Variants in MTF2 observed in about 807,000 individuals in gnomAD.
The protein encoded by MTF2 is metal-response element-binding transcription factor 2.
A neutral mutation model predicts 79.5 loss-of-function variants in MTF2; 11 were observed. The ratio of observed to expected loss-of-function variants is 0.14; its 90% CI spans 0.09 to 0.23. MTF2 has a LOEUF of 0.23. Among genes scored for constraint, MTF2 ranks in the 10% least tolerant of loss-of-function variants. MTF2 has a pLI of 1.00. For missense variants in MTF2, 486 were observed against 711.2 expected, an observed-to-expected ratio of 0.68 and a Z score of 3.60; for synonymous variants, 208 against 232.8, an observed-to-expected ratio of 0.89 and a Z score of 0.97.
In MTF2 at chr1:93,079,410, C is replaced by T; in HGVS notation, c.-117C>T. 1 of 1,323,876 alleles carries T rather than the reference C, an allele frequency of 7.6e-7. No homozygotes were observed. Among genetic ancestry groups the T allele is most frequent in the South Asian group, 1.2e-5 (1 of 83,330 alleles). The allele number at this position is 1,323,876 out of a possible 1,614,324, so 82.0% of individuals were successfully genotyped here. On this transcript the variant is annotated 5_prime_UTR_variant, in exon 1 of 15. Transcript: ENST00000370298. ...CCTCGGTTTGTGCGTGCATATGTGC[C>T]GGGTACCCGGTGGGGCGGGTGCCCA...
chr1:93,122,544 AG>A (rs1456324285), intron 9 of MTF2, among the ~76,000 whole-genome samples: 1 of 152,172 alleles, frequency 6.6e-6, no homozygotes, highest in Non-Finnish European at 1.5e-5. Flanking sequence ...GAAACATACT[AG>A]AAAAAATTTG....
At chr1:93,116,966 C>T (rs1382105628) in intron 6 of MTF2, among the ~76,000 whole-genome samples, 1 of 151,844 alleles carries the variant, frequency 6.6e-6, no homozygotes, top group Non-Finnish European at 1.5e-5. Context: ...TTTTTGGTGG[C>T]CCAAAATAGT....
chr1:93,097,786 C>T (rs537264983), intron 1 of MTF2, among the ~76,000 whole-genome samples: 4 of 152,094 alleles, frequency 2.6e-5, no homozygotes, highest in Middle Eastern at 3.4e-3. Context: ...TTAGTAGAGA[C>T]GGGGTTTCAC....
chr1:93,123,937 C>CAAT (rs1256595809), intron 9 of MTF2, among the ~76,000 whole-genome samples: 1 of 151,612 alleles, frequency 6.6e-6, no homozygotes, highest in African/African-American at 2.4e-5. Flanking sequence ...GAAGCTACAT[C>CAAT]AATACATCAT....
intron 11 of MTF2, among the ~76,000 whole-genome samples, chr1:93,131,211 G>T (rs1379085742): frequency 6.6e-6 from 1 of 152,134 alleles, no homozygotes; most frequent in South Asian, 2.1e-4. Context: ...AGAATGATCA[G>T]TGAGATGGGA....
intron 1 of MTF2, among the ~76,000 whole-genome samples, chr1:93,082,508 A>C (rs912662769): frequency 6.6e-6 from 1 of 152,076 alleles, no homozygotes; most frequent in East Asian, 1.9e-4. Context: ...CAGGCTGGTC[A>C]TGAACTTTTG....
chr1:93,112,758 A>T (rs1344042355), intron 3 of MTF2, among the ~76,000 whole-genome samples: 1 of 152,238 alleles, frequency 6.6e-6, no homozygotes, highest in Non-Finnish European at 1.5e-5. Flanking sequence ...ACTATAGAAG[A>T]TTACTAAGCT....
chr1:93,105,215 C>T (rs569274787), intron 1 of MTF2, among the ~76,000 whole-genome samples: 5 of 150,356 alleles, frequency 3.3e-5, no homozygotes, highest in East Asian at 2.0e-4. Flanking sequence ...TGAAGTGGGC[C>T]GAAGACTGAA....
chr1:93,102,420 A>C (rs930572633), intron 1 of MTF2, among the ~76,000 whole-genome samples: 7 of 151,942 alleles, frequency 4.6e-5, no homozygotes, highest in Non-Finnish European at 8.8e-5. Flanking sequence ...ATTCCTACTA[A>C]AAATTATTTT....
chr1:93,105,890 G>A (rs757096613), intron 1 of MTF2, among the ~76,000 whole-genome samples: 5 of 152,140 alleles, frequency 3.3e-5, no homozygotes, highest in Non-Finnish European at 7.3e-5. Flanking sequence ...TGACCAGGCT[G>A]GTCTCAAACT....
chr1:93,113,430 C>G (rs542422600), intron 3 of MTF2, among the ~76,000 whole-genome samples: 16 of 151,800 alleles, frequency 1.1e-4, no homozygotes, highest in Non-Finnish European at 2.1e-4. Context: ...GGATGAGAGA[C>G]CAGAACAAAC....
chr1:93,100,145 A>G (rs1438824529), intron 1 of MTF2, among the ~76,000 whole-genome samples: 1 of 152,208 alleles, frequency 6.6e-6, no homozygotes, highest in Non-Finnish European at 1.5e-5. Flanking sequence ...TTCAGAAGGC[A>G]TAGTTGAAAG....
At chr1:93,115,265 T>A (rs1490234496) in intron 5 of MTF2, among the ~76,000 whole-genome samples, 177 bp downstream of exon 5, 5 of 152,222 alleles carry the variant, frequency 3.3e-5, no homozygotes, top group African/African-American at 1.2e-4. Context: ...TGCTTTCACT[T>A]ATTTGATGAT....
At chr1:93,085,604 A>C (rs1218220163) in intron 1 of MTF2, among the ~76,000 whole-genome samples, 1 of 151,322 alleles carries the variant, frequency 6.6e-6, no homozygotes, top group Non-Finnish European at 1.5e-5. Flanking sequence ...CTTCCACCTC[A>C]GCCTCCTGAG....
rs116753611 is a variant in MTF2, at chr1:93,086,991, C to T, written c.5+7460C>T. ...ACAAAATTCATTTATGTTTCATACA[C>T]ACGTTGTATGCTTAGTCTAAAGCTT... On this transcript the variant is annotated intron_variant, in intron 1 of 14. Transcript: ENST00000370298. 2.5e-3 allele frequency among the ~76,000 whole-genome samples: 378 copies of T among 152,306 alleles called. 1 individual carries two copies. Among genetic ancestry groups the T allele is most frequent in the African/African-American group, 8.8e-3 (367 of 41,554 alleles).
chr1:93,107,741 G>A (rs934649115), intron 1 of MTF2, among the ~76,000 whole-genome samples: 4 of 151,452 alleles, frequency 2.6e-5, no homozygotes, highest in African/African-American at 9.7e-5. Context: ...GTGAATTCAA[G>A]TTAGCATCTT....
At chr1:93,085,839 G>C (rs1654813681) in intron 1 of MTF2, among the ~76,000 whole-genome samples, 1 of 152,170 alleles carries the variant, frequency 6.6e-6, no homozygotes, top group African/African-American at 2.4e-5. Flanking sequence ...CAGAACTTGA[G>C]TATCTGTGGA....
chr1:93,079,959 GAC>G (rs1025603825), intron 1 of MTF2, among the ~76,000 whole-genome samples: 3 of 151,992 alleles, frequency 2.0e-5, no homozygotes, highest in Admixed American at 2.0e-4. Flanking sequence ...GGCTGCCTGG[GAC>G]CTTAGCAGTG....
intron 8 of MTF2, chr1:93,120,255 C>T (rs1193357917): frequency 1.7e-5 from 3 of 171,578 alleles, no homozygotes; most frequent in Non-Finnish European, 3.5e-5. Context: ...GACGTTGTGC[C>T]ATTGTACTAC....
Sources: allele counts gnomAD v4.1 joint callset (sites outside exome capture counted in the v4.1 genomes callset), GRCh38; gene constraint gnomAD v4.1.1; transcripts MANE v1.5; gene names NCBI Gene and HGNC (gene_info 2026-07-23, HGNC 2026-07-21).